The following HNRNPM variants were observed in gnomAD, a reference collection of about 807,000 sequenced individuals.
HNRNPM encodes the protein CEA receptor.
A neutral mutation model predicts 73.1 loss-of-function variants in HNRNPM; 11 were observed. The ratio of observed to expected loss-of-function variants is 0.15; its 90% CI spans 0.09 to 0.25. HNRNPM has a LOEUF of 0.25. Among genes scored for constraint, HNRNPM ranks in the 10% least tolerant of loss-of-function variants. The pLI, the probability that HNRNPM is intolerant of heterozygous loss-of-function variation, is 1.00. For synonymous variants in HNRNPM, 407 were observed against 355.2 expected, an observed-to-expected ratio of 1.15 and a Z score of -1.64; for missense variants, 789 against 1,067.9, an observed-to-expected ratio of 0.74 and a Z score of 3.64.
rs754289633 is a variant in HNRNPM at position 8,488,704 on chromosome 19, C to T, written c.2043C>T (p.Tyr681=). The T allele has an allele frequency of 2.5e-6, 4 of 1,613,572 alleles. No individual in the cohort carries two copies. Among genetic ancestry groups the T allele is most frequent in the Admixed American group, 1.7e-5 (1 of 59,948 alleles). ...DKFNECGHVL[Y]ADIKMENGKS... is the part of the protein sequence containing the mutation. ...TCCCTGTCCTAGGCCACGTGCTGTA[C>T]GCCGACATCAAGATGGAGAATGGGA... is the stretch of plus-strand genomic sequence containing the variant. The change falls in exon 16 of 16, where the codon TAC becomes TAT. Residue 681 remains tyrosine (Y), a synonymous_variant. Transcript: ENST00000325495.
intron 12 of HNRNPM, among the ~76,000 whole-genome samples, chr19:8,477,143 A>G (rs1235637401): frequency 6.6e-6 from 1 of 152,084 alleles, no homozygotes; most frequent in Non-Finnish European, 1.5e-5. Flanking sequence ...ATTTCTAAGG[A>G]GTGAGATGAT....
At position 8,485,596 on chromosome 19, in the gene HNRNPM, G is replaced by A. The variant is rs1568302015; in HGVS notation, c.1175-7G>A. ...ACACCCACCTGTGTTTTGTGTCCCT[G>A]TTTCAGGTGGAGGTGGAGGAAGCGT... On this transcript the variant is annotated splice_polypyrimidine_tract_variant and splice_region_variant and intron_variant, in intron 13 of 15. Transcript: ENST00000325495. The A allele has an allele frequency of 6.3e-7, 1 of 1,595,452 alleles. No individual in the cohort carries two copies. The highest frequency in any genetic ancestry group is 1.3e-5 in the African/African-American group (1 of 74,742).
chr19:8,474,056 T>C (rs1970337801), intron 11 of HNRNPM, 111 bp from the exon 12 acceptor site: 1 of 778,802 alleles, frequency 1.3e-6, no homozygotes, highest in Non-Finnish European at 2.0e-6. Flanking sequence ...TTAAACTTGG[T>C]AAGTTCTTGG....
intron 6 of HNRNPM, 79 bp from the exon 7 acceptor site, chr19:8,466,156 T>C: frequency 1.5e-6 from 2 of 1,347,812 alleles, no homozygotes; most frequent in East Asian, 2.3e-5. Flanking sequence ...AACCAAAGCA[T>C]GTATCATTCA....
chr19:8,478,297 C>T (rs1970658024), intron 12 of HNRNPM, among the ~76,000 whole-genome samples: 1 of 152,140 alleles, frequency 6.6e-6, no homozygotes, highest in African/African-American at 2.4e-5. Context: ...AACATGCTGA[C>T]TTGGTGGTGG....
rs145786589 is a variant in HNRNPM, at chr19:8,489,078, G to C, written c.*224G>C. 1 of 468,012 alleles carries C rather than the reference G, an allele frequency of 2.1e-6. No individual in the cohort carries two copies. The highest frequency in any genetic ancestry group is 2.0e-5 in the African/African-American group (1 of 51,242). 29.0% of individuals were successfully genotyped at this position (468,012 alleles called of 1,614,324 possible). A position where few individuals can be genotyped will look rare whatever the true frequency, so the allele number is the denominator to read the frequency against. ...GTAGTTGTGGCATCTTGTTGACATC[G>C]AATATGACTTTGATAATAAATACCG... is the stretch of plus-strand genomic sequence containing the variant. On this transcript the variant is annotated 3_prime_UTR_variant, in exon 16 of 16. Transcript: ENST00000325495.
At chr19:8,488,664 T>C in intron 15 of HNRNPM, 27 bp from the exon 16 acceptor site, 1 of 1,595,324 alleles carries the variant, frequency 6.3e-7, no homozygotes, top group African/African-American at 1.3e-5. Flanking sequence ...GGACTGAGTG[T>C]CGTCTCTTCT....
At chr19:8,463,941 A>G (rs1969564186) in intron 5 of HNRNPM, 1 of 436,444 alleles carries the variant, frequency 2.3e-6, no homozygotes, top group Non-Finnish European at 4.2e-6. Flanking sequence ...TTGTTGTCTC[A>G]GGGACTCTCA....
At chr19:8,486,955 C>G (rs1463740933) in intron 14 of HNRNPM, 69 bp from the exon 15 acceptor site, 14 of 1,240,518 alleles carry the variant, frequency 1.1e-5, no homozygotes, top group Non-Finnish European at 1.5e-5. Flanking sequence ...GCCCTCAGAG[C>G]CAGCTGCAAG....
Position 8,465,379 on chromosome 19 carries a change from G to A in HNRNPM, c.494G>A (p.Gly165Asp). The A allele has an allele frequency of 6.2e-7, 1 of 1,613,818 alleles. No individual in the cohort carries two copies. Among genetic ancestry groups the A allele is most frequent in the Middle Eastern group, 1.6e-4 (1 of 6,062 alleles). ...RAMQKVMATT[G>D]GMGMGPGGPG... ...ATGCAAAAGGTGATGGCTACGACTG[G>A]TGGGATGGGTATGGGACCAGGTGGC... is the stretch of plus-strand genomic sequence containing the variant. The change falls in exon 6 of 16, where the codon GGT becomes GAT. Residue 165 changes from glycine (G) to aspartate (D), a missense_variant. Gly to Asp is a moderately conservative substitution (Grantham distance 94). Coordinates refer to ENST00000325495, the MANE Select transcript of HNRNPM (RefSeq NM_005968.5).
intron 12 of HNRNPM, among the ~76,000 whole-genome samples, chr19:8,476,581 AG>A (rs1174405192): frequency 7.6e-4 from 8 of 10,578 alleles, no homozygotes; most frequent in South Asian, 0.056. Context: ...AAAAAAAAAG[AG>A]AGATTGTTAA....
intron 9 of HNRNPM, 45 bp downstream of exon 9, chr19:8,468,879 C>A (rs1969943961): frequency 4.9e-6 from 7 of 1,433,732 alleles, no homozygotes; most frequent in Non-Finnish European, 6.9e-6. Context: ...ATTGGAGTTA[C>A]ACTAATAAAC....
intron 9 of HNRNPM, among the ~76,000 whole-genome samples, chr19:8,469,595 C>T (rs1299704360): frequency 6.6e-6 from 1 of 152,188 alleles, no homozygotes; most frequent in East Asian, 1.9e-4. Flanking sequence ...TGATGGGCTA[C>T]CACATAGGTA....
chr19:8,455,601 T>C (rs751549496), intron 2 of HNRNPM, 27 bp downstream of exon 2: 3 of 1,589,380 alleles, frequency 1.9e-6, no homozygotes, highest in Non-Finnish European at 2.6e-6. Context: ...TTGAGTAGGG[T>C]GAGAAGGTTG....
At chr19:8,470,806 G>A (rs556945206) in intron 9 of HNRNPM, among the ~76,000 whole-genome samples, 1 of 152,240 alleles carries the variant, frequency 6.6e-6, no homozygotes, top group East Asian at 1.9e-4. Flanking sequence ...GTTGTGGGTT[G>A]GGAAGCTTTG....
intron 12 of HNRNPM, among the ~76,000 whole-genome samples, chr19:8,480,496 C>G (rs1375691371): frequency 6.6e-6 from 1 of 151,798 alleles, no homozygotes; most frequent in Non-Finnish European, 1.5e-5. Context: ...GAAACCCCGT[C>G]TCTACTACAA....
At chr19:8,467,815 A>G (rs1008855580) in intron 8 of HNRNPM, among the ~76,000 whole-genome samples, 1 of 152,104 alleles carries the variant, frequency 6.6e-6, no homozygotes, top group Non-Finnish European at 1.5e-5. Flanking sequence ...TCATGAGGTC[A>G]GCAGTTCGAC....
At chr19:8,473,421 A>G (rs1476839976) in intron 10 of HNRNPM, among the ~76,000 whole-genome samples, 3 of 151,964 alleles carry the variant, frequency 2.0e-5, no homozygotes, top group Admixed American at 6.6e-5. Flanking sequence ...AGATTGTGCC[A>G]TTGCATTCCA....
chr19:8,486,132 G>C lies in HNRNPM; in HGVS notation c.1704G>C (p.Leu568=). ...CCAACAATCTGGAGCGGATGGGCCTGGAGCGCATGGGCGCCAACAGCCTCG... is the reference window on the plus strand; with the variant it reads ...CCAACAATCTGGAGCGGATGGGCCTCGAGCGCATGGGCGCCAACAGCCTCG... ...MGANNLERMG[L]ERMGANSLER... The change falls in exon 14 of 16, where the codon CTG becomes CTC. Residue 568 remains leucine, a synonymous_variant. Transcript: ENST00000325495. 1 of 1,606,232 alleles carries C rather than the reference G, an allele frequency of 6.2e-7. No homozygotes were observed. Among genetic ancestry groups the C allele is most frequent in the South Asian group, 1.1e-5 (1 of 91,030 alleles).
Sources: allele counts gnomAD v4.1 joint callset (sites outside exome capture counted in the v4.1 genomes callset), GRCh38; gene constraint gnomAD v4.1.1; transcripts MANE v1.5; gene names NCBI Gene and HGNC (gene_info 2026-07-23, HGNC 2026-07-21).